MAPKAP1: variants seen among roughly 807,000 people sequenced by gnomAD.
MAPKAP1 encodes the protein MAPK associated protein 1.
MAPKAP1 carries 20 observed loss-of-function variants against 65.7 expected under a neutral mutation model. That is an observed-to-expected ratio of 0.30 (90% confidence interval 0.21 to 0.44). The LOEUF is 0.44. MAPKAP1 is among the 20% of genes least tolerant of loss of function. The probability of loss-of-function intolerance (pLI) is 1.00; values close to 1 mark genes in which losing one functional copy is unlikely to be tolerated. For synonymous variants in MAPKAP1, 222 were observed against 244.3 expected (o/e 0.91, Z 0.85); for missense variants, 423 against 648.0 (o/e 0.65, Z 3.77).
intron 4 of MAPKAP1, among the ~76,000 whole-genome samples, chr9:125,611,421 T>C (rs548424951): frequency 6.6e-6 from 1 of 152,074 alleles, no homozygotes; most frequent in African/African-American, 2.4e-5. Context: ...GAAAGAGAAA[T>C]TAAGAGATGA....
At chr9:125,641,755 G>A (rs1037309215) in intron 4 of MAPKAP1, among the ~76,000 whole-genome samples, 7 of 152,104 alleles carry the variant, frequency 4.6e-5, no homozygotes, top group African/African-American at 1.4e-4. Context: ...AAATAGGCCA[G>A]GCGTGGTGGC....
intron 7 of MAPKAP1, among the ~76,000 whole-genome samples, chr9:125,530,108 C>A (rs1177857845): frequency 6.6e-6 from 1 of 152,180 alleles, no homozygotes; most frequent in African/African-American, 2.4e-5. Context: ...TTGGGTGGTT[C>A]AGGCCCTTGG....
At chr9:125,503,219 T>C (rs948927226) in intron 8 of MAPKAP1, among the ~76,000 whole-genome samples, 1 of 152,210 alleles carries the variant, frequency 6.6e-6, no homozygotes, top group African/African-American at 2.4e-5. Flanking sequence ...TTTACTGATA[T>C]ATCTGGGTTT....
At position 125,439,668 on chromosome 9, in the gene MAPKAP1, T is replaced by C. The variant is rs1852408846; in HGVS notation, c.1444-656A>G. On this transcript the variant is annotated intron_variant, in intron 11 of 11. Transcript: ENST00000265960. The surrounding 1 kb of genome is among the most constrained non-coding windows in gnomAD (Gnocchi z 4.0). ...GGCGGGGCTGCCTCCTGGGCTCCTC[T>C]CAGGCCTTCTGCACGCTGCTGCTTC... Among the ~76,000 whole-genome samples the C allele has an allele frequency of 6.6e-6, 1 of 152,254 alleles. No individual in the cohort carries two copies.
intron 6 of MAPKAP1, among the ~76,000 whole-genome samples, chr9:125,557,313 T>C (rs1424046760): frequency 6.6e-6 from 1 of 152,144 alleles, no homozygotes; most frequent in Admixed American, 6.5e-5. Flanking sequence ...ACTGCTATGA[T>C]CATGTGTTAA....
intron 4 of MAPKAP1, among the ~76,000 whole-genome samples, chr9:125,656,684 C>T (rs543067281): frequency 7.2e-5 from 11 of 152,124 alleles, no homozygotes; most frequent in South Asian, 2.1e-4. Flanking sequence ...ACTGCAATGG[C>T]GCTGAAGTAA....
intron 4 of MAPKAP1, among the ~76,000 whole-genome samples, chr9:125,620,570 C>T (rs1178874405): frequency 1.3e-5 from 2 of 152,142 alleles, no homozygotes; most frequent in Non-Finnish European, 2.9e-5. Context: ...TTCACCACAG[C>T]GTTGTTTGTA....
At chr9:125,565,635 G>A (rs557654195) in intron 5 of MAPKAP1, 30 of 400,218 alleles carry the variant, frequency 7.5e-5, no homozygotes, top group East Asian at 4.7e-4. Context: ...GAGAAAAGGC[G>A]TTTAAGGTGA....
chr9:125,606,601 T>C (rs546407451), intron 4 of MAPKAP1, among the ~76,000 whole-genome samples: 1 of 152,124 alleles, frequency 6.6e-6, no homozygotes, highest in Admixed American at 6.5e-5. Flanking sequence ...ATTATGGCCA[T>C]GAGAAACTGC....
At chr9:125,590,607 G>A (rs538264215) in intron 4 of MAPKAP1, among the ~76,000 whole-genome samples, 1 of 151,542 alleles carries the variant, frequency 6.6e-6, no homozygotes, top group South Asian at 2.1e-4. Flanking sequence ...CTGAGATGGC[G>A]CCACTGCACT....
chr9:125,459,081 T>G lies in MAPKAP1; in HGVS notation c.1345+8891A>C, dbSNP rs200195336. On this transcript the variant is annotated intron_variant, in intron 10 of 11. Coordinates refer to ENST00000265960, the MANE Select transcript of MAPKAP1 (RefSeq NM_001006617.3). ...GACGGGGCGGTTGCCAGGCAGAGGG[T>G]CTCCTCACTTCTCAGAAGGGGCGGC... is the stretch of plus-strand genomic sequence containing the variant. Among the ~76,000 whole-genome samples, 419 of 104,640 alleles carry G rather than the reference T, an allele frequency of 4.0e-3. 7 individuals carry two copies. Among genetic ancestry groups the G allele is most frequent in the East Asian group, 0.017 (58 of 3,372 alleles). The allele number at this position is 104,640 out of a possible 152,430, so 68.6% of individuals were successfully genotyped here.
chr9:125,655,866 C>A (rs923167528), intron 4 of MAPKAP1, among the ~76,000 whole-genome samples: 1 of 152,140 alleles, frequency 6.6e-6, no homozygotes, highest in African/African-American at 2.4e-5. Flanking sequence ...GCATTGAGAG[C>A]CTTCAGTGTA....
At chr9:125,590,662 A>AG (rs1564572407) in intron 4 of MAPKAP1, among the ~76,000 whole-genome samples, 2 of 151,894 alleles carry the variant, frequency 1.3e-5, no homozygotes, top group South Asian at 2.1e-4. Context: ...AGAAAAAAAA[A>AG]GGGGGGCGGG....
chr9:125,629,487 A>G (rs1236292744), intron 4 of MAPKAP1, among the ~76,000 whole-genome samples: 1 of 152,264 alleles, frequency 6.6e-6, no homozygotes, highest in Non-Finnish European at 1.5e-5. Context: ...TGCTAAGTGA[A>G]ATAAGCCAGT....
In MAPKAP1 at chr9:125,498,918, C is replaced by T. The variant is rs1245771100; in HGVS notation, c.1066+7392G>A. ...AGGTCTATGACTCCAAACCTCGACACCTGTGCCCCATCTGCTCTACCAGCC... is the reference window on the plus strand; with the variant it reads ...AGGTCTATGACTCCAAACCTCGACATCTGTGCCCCATCTGCTCTACCAGCC... On this transcript the variant is annotated intron_variant, in intron 8 of 11. Transcript: ENST00000265960. Among the ~76,000 whole-genome samples the T allele has an allele frequency of 3.3e-4, 51 of 152,292 alleles. 1 individual carries two copies. The highest frequency in any genetic ancestry group is 8.8e-5 in the Non-Finnish European group (6 of 68,030).
intron 7 of MAPKAP1, among the ~76,000 whole-genome samples, chr9:125,537,910 TCC>T (rs1448670900): frequency 6.6e-6 from 1 of 152,204 alleles, no homozygotes; most frequent in Non-Finnish European, 1.5e-5. Context: ...GTACAGCAGG[TCC>T]ACAGTGGGTC....
At chr9:125,456,427 T>TA (rs1461325476) in intron 10 of MAPKAP1, among the ~76,000 whole-genome samples, 3 of 152,372 alleles carry the variant, frequency 2.0e-5, no homozygotes, top group African/African-American at 7.2e-5. Flanking sequence ...TGTTCTGTCA[T>TA]AGAGTTCACT....
At chr9:125,448,191 C>G (rs1852793529) in intron 10 of MAPKAP1, among the ~76,000 whole-genome samples, 1 of 152,104 alleles carries the variant, frequency 6.6e-6, no homozygotes, top group Non-Finnish European at 1.5e-5. Flanking sequence ...AGAAAGGATA[C>G]TGAAAAGGAA....
At chr9:125,588,792 A>C (rs1831866692) in intron 4 of MAPKAP1, among the ~76,000 whole-genome samples, 2 of 152,164 alleles carry the variant, frequency 1.3e-5, no homozygotes. Context: ...AAACACCGTG[A>C]ACAAAATCCA....
Sources: gnomAD v4.1 joint callset for allele counts (sites outside exome capture counted in the v4.1 genomes callset) on GRCh38, gnomAD v4.1.1 for gene constraint, Gnocchi (gnomAD v3.1) non-coding constraint, MANE v1.5 for transcripts, NCBI Gene and HGNC (gene_info 2026-07-23, HGNC 2026-07-21) for gene names.